TRPC4: variants seen among roughly 807,000 people sequenced by gnomAD.
TRPC4 encodes short transient receptor potential channel 4.
Under a neutral mutation model 99.4 loss-of-function variants are expected in TRPC4, and 49 were observed. The observed-to-expected ratio is 0.49, with a 90% CI of 0.39 to 0.63. The LOEUF (loss-of-function observed/expected upper bound fraction) is 0.63, where lower values mean the gene tolerates loss of function less well. Among genes scored for constraint, TRPC4 ranks in the 20% least tolerant of loss-of-function variants. TRPC4 has a pLI of 0.00. For synonymous variants in TRPC4, 454 were observed against 425.9 expected (o/e 1.07, Z -0.81); for missense variants, 898 against 1,152.9 (o/e 0.78, Z 3.20).
chr13:37,814,854 AG>A (rs1957801176), intron 1 of TRPC4, among the ~76,000 whole-genome samples: 1 of 151,842 alleles, frequency 6.6e-6, no homozygotes, highest in Non-Finnish European at 1.5e-5. Flanking sequence ...AGTTAATCCA[AG>A]GGAACCAGAC....
chr13:37,845,372 G>A (rs1435321651), intron 1 of TRPC4, among the ~76,000 whole-genome samples: 2 of 151,966 alleles, frequency 1.3e-5, no homozygotes, highest in Non-Finnish European at 2.9e-5. Flanking sequence ...AAGAAGTTCA[G>A]GAAATTCCAA....
intron 3 of TRPC4, among the ~76,000 whole-genome samples, chr13:37,728,621 A>G (rs539082656): frequency 1.6e-4 from 25 of 152,212 alleles, no homozygotes; most frequent in African/African-American, 5.8e-4. Flanking sequence ...AGCAATTTAC[A>G]GACTCAACAC....
At chr13:37,807,836 G>T (rs1326076654) in intron 1 of TRPC4, among the ~76,000 whole-genome samples, 1 of 151,966 alleles carries the variant, frequency 6.6e-6, no homozygotes, top group East Asian at 1.9e-4. Context: ...AAAATCCTCT[G>T]TAGTCATATT....
chr13:37,680,252 C>T (rs1180874946), intron 4 of TRPC4, among the ~76,000 whole-genome samples: 1 of 152,116 alleles, frequency 6.6e-6, no homozygotes, highest in Non-Finnish European at 1.5e-5. Flanking sequence ...ACTGCCAATT[C>T]CCAGATATTA....
At chr13:37,639,402 A>C in intron 8 of TRPC4, 103 bp from the exon 9 acceptor site, 1 of 1,276,562 alleles carries the variant, frequency 7.8e-7, no homozygotes, top group Non-Finnish European at 1.1e-6. Context: ...TTATTTCTTC[A>C]AAGTGGGAGT....
At chr13:37,826,660 C>T (rs1958224718) in intron 1 of TRPC4, among the ~76,000 whole-genome samples, 1 of 152,068 alleles carries the variant, frequency 6.6e-6, no homozygotes, top group Admixed American at 6.5e-5. Flanking sequence ...GTCTGATGGG[C>T]TTCCCTTTGA....
intron 3 of TRPC4, among the ~76,000 whole-genome samples, chr13:37,724,043 G>A (rs1211928387): frequency 6.6e-6 from 1 of 151,898 alleles, no homozygotes; most frequent in Non-Finnish European, 1.5e-5. Context: ...TTAAATGTCC[G>A]CAAATTAGGG....
intron 3 of TRPC4, among the ~76,000 whole-genome samples, chr13:37,707,654 G>T (rs186509411): frequency 6.6e-6 from 1 of 151,964 alleles, no homozygotes; most frequent in Non-Finnish European, 1.5e-5. Context: ...CATAACTACT[G>T]CAATATGATT....
intron 7 of TRPC4, 73 bp downstream of exon 7, chr13:37,655,015 A>C: frequency 2.6e-6 from 3 of 1,140,338 alleles, no homozygotes; most frequent in Non-Finnish European, 3.5e-6. Context: ...TACGATGATA[A>C]GAAGATGGAG....
intron 2 of TRPC4, among the ~76,000 whole-genome samples, chr13:37,770,769 T>A (rs1428562692): frequency 6.6e-6 from 1 of 151,684 alleles, no homozygotes; most frequent in African/African-American, 2.4e-5. Context: ...GAATTAATAG[T>A]TATATATGTG....
In TRPC4 at chr13:37,786,994, A is replaced by C. The variant is rs139309683; in HGVS notation, c.-27-3634T>G. 3.3e-4 allele frequency among the ~76,000 whole-genome samples: 50 copies of C among 152,150 alleles called. 1 individual carries two copies. The highest frequency in any genetic ancestry group is 1.9e-3 in the Admixed American group (29 of 15,250). On this transcript the variant is annotated intron_variant, in intron 1 of 10. Coordinates refer to ENST00000379705, the MANE Select transcript of TRPC4 (RefSeq NM_016179.4). ...AAATTAAAATCGTCACTAAGTATGA[A>C]AACTACAGTTTTCTAAGCAACATAA...
rs776490245 is a variant in TRPC4 at position 37,671,943 on chromosome 13, A to G, written c.1374+2285T>C. On this transcript the variant is annotated intron_variant, in intron 5 of 10. Coordinates refer to ENST00000379705, the MANE Select transcript of TRPC4 (RefSeq NM_016179.4). Reference sequence around the variant, plus strand: ...ACTATGTATTTTTTGAAGACTTCACATTCCTTAGGTCATCTTCATCTGCAG... The same window carrying G: ...ACTATGTATTTTTTGAAGACTTCACGTTCCTTAGGTCATCTTCATCTGCAG... 5.8e-4 allele frequency among the ~76,000 whole-genome samples: 89 copies of G among 152,186 alleles called. 1 individual carries two copies. The highest frequency in any genetic ancestry group is 1.1e-3 in the Non-Finnish European group (74 of 68,016).
At chr13:37,718,161 A>T (rs181118770) in intron 3 of TRPC4, among the ~76,000 whole-genome samples, 1 of 152,204 alleles carries the variant, frequency 6.6e-6, no homozygotes, top group Admixed American at 6.6e-5. Flanking sequence ...AAGATTCCCA[A>T]ATTCTCTGCA....
intron 1 of TRPC4, among the ~76,000 whole-genome samples, chr13:37,838,962 A>G (rs1437305089): frequency 1.3e-5 from 2 of 152,202 alleles, no homozygotes; most frequent in African/African-American, 4.8e-5. Flanking sequence ...TGACACAGCT[A>G]CTAAGAGATA....
chr13:37,744,490 T>C (rs1191024356), intron 3 of TRPC4, among the ~76,000 whole-genome samples: 1 of 152,150 alleles, frequency 6.6e-6, no homozygotes, highest in African/African-American at 2.4e-5. Flanking sequence ...TTCACTTCAG[T>C]ATTAAGGGAA....
chr13:37,637,102 C>T lies in TRPC4; in HGVS notation c.2735G>A (p.Arg912Lys), dbSNP rs763977564. 2 of 1,613,762 alleles carry T rather than the reference C, an allele frequency of 1.2e-6. No individual in the cohort carries two copies. Among genetic ancestry groups the T allele is most frequent in the South Asian group, 2.2e-5 (2 of 91,056 alleles). The change falls in exon 11 of 11, where the codon AGA (arginine) becomes AAA (lysine). Residue 912 changes from arginine (R) to lysine (K), a missense_variant. By Grantham distance (26) the Arg-to-Lys change is conservative. Transcript: ENST00000379705. ...LSEQCVLVDHRERNTDTLGLQ... is the reference protein window; with the variant it reads ...LSEQCVLVDHKERNTDTLGLQ... The stretch of plus-strand genomic sequence containing the variant: ...CCCCAGTGTGTCCGTATTCCTTTCT[C>T]TATGGTCTACTAACACACATTGTTC...
At chr13:37,745,355 C>G (rs1269711117) in intron 3 of TRPC4, among the ~76,000 whole-genome samples, 1 of 149,542 alleles carries the variant, frequency 6.7e-6, no homozygotes, top group Non-Finnish European at 1.5e-5. Flanking sequence ...ATGAATGCTG[C>G]ATTTTCCATC....
At chr13:37,780,377 G>A (rs1442068870) in intron 2 of TRPC4, among the ~76,000 whole-genome samples, 1 of 151,750 alleles carries the variant, frequency 6.6e-6, no homozygotes, top group Admixed American at 6.6e-5. Flanking sequence ...TTGTTCAGTT[G>A]GATATTGTTG....
intron 4 of TRPC4, among the ~76,000 whole-genome samples, chr13:37,675,222 A>G (rs1593486035): frequency 1.3e-5 from 2 of 152,316 alleles, no homozygotes; most frequent in East Asian, 3.9e-4. Context: ...TTATCCCTAC[A>G]CTGACTCAAG....
Sources: gnomAD v4.1 joint callset for allele counts (sites outside exome capture counted in the v4.1 genomes callset) on GRCh38, gnomAD v4.1.1 for gene constraint, MANE v1.5 for transcripts, NCBI Gene and HGNC (gene_info 2026-07-23, HGNC 2026-07-21) for gene names.